Variants in UGGT2 observed in about 807,000 individuals in gnomAD.
UGGT2 encodes UDP-glucose glycoprotein glucosyltransferase 2.
Under a neutral mutation model 192.1 loss-of-function variants are expected in UGGT2, and 180 were observed. That is an observed-to-expected ratio of 0.94 (90% CI 0.83 to 1.06). UGGT2 has a LOEUF of 1.06. UGGT2 is among the 50% of genes least tolerant of loss of function. The probability of loss-of-function intolerance (pLI) is 0.00; values close to 1 mark genes in which losing one functional copy is unlikely to be tolerated. For missense variants in UGGT2, 1,849 were observed against 1,795.7 expected (o/e 1.03, Z -0.54); for synonymous variants, 580 against 591.0 (o/e 0.98, Z 0.27).
intron 4 of UGGT2, among the ~76,000 whole-genome samples, chr13:96,021,643 C>T (rs2139112520): frequency 6.6e-6 from 1 of 151,884 alleles, no homozygotes; most frequent in East Asian, 1.9e-4. Flanking sequence ...TAAGATAATC[C>T]CACACCATTA....
intron 1 of UGGT2, among the ~76,000 whole-genome samples, chr13:96,048,203 T>C (rs887286471): frequency 3.9e-5 from 6 of 152,158 alleles, no homozygotes; most frequent in African/African-American, 1.4e-4. Flanking sequence ...CTCAACTACA[T>C]GAAAACTGAA....
intron 12 of UGGT2, among the ~76,000 whole-genome samples, chr13:95,961,597 TA>T (rs2140705906): frequency 6.6e-6 from 1 of 152,012 alleles, no homozygotes; most frequent in African/African-American, 2.4e-5. Flanking sequence ...CCTACACATA[TA>T]AAGCAAACAT....
chr13:95,931,091 T>A (rs2049246356), intron 17 of UGGT2, among the ~76,000 whole-genome samples: 1 of 151,908 alleles, frequency 6.6e-6, no homozygotes, highest in African/African-American at 2.4e-5. Context: ...AGAGAGCTGA[T>A]TGGTCTGTTT....
chr13:95,884,928 C>A (rs1429285511), intron 26 of UGGT2, among the ~76,000 whole-genome samples: 2 of 152,126 alleles, frequency 1.3e-5, no homozygotes, highest in Non-Finnish European at 2.9e-5. Flanking sequence ...TGATTAGAAT[C>A]CCTTTAAGAT....
At chr13:95,928,234 G>C (rs1375168453) in intron 17 of UGGT2, among the ~76,000 whole-genome samples, 1 of 151,984 alleles carries the variant, frequency 6.6e-6, no homozygotes, top group East Asian at 1.9e-4. Flanking sequence ...CTCCCGGACG[G>C]GGCAGCTGGC....
chr13:95,866,552 C>G (rs1269506952), intron 30 of UGGT2, among the ~76,000 whole-genome samples: 2 of 152,156 alleles, frequency 1.3e-5, no homozygotes, highest in East Asian at 3.9e-4. Flanking sequence ...CCCTGGCCTA[C>G]TTGGCTGACA....
At chr13:95,861,079 G>C (rs1268036446) in intron 31 of UGGT2, among the ~76,000 whole-genome samples, 196 bp from the exon 32 acceptor site, 1 of 151,664 alleles carries the variant, frequency 6.6e-6, no homozygotes, top group Non-Finnish European at 1.5e-5. Flanking sequence ...TTTTAAATTT[G>C]TAATGTGGAA....
chr13:95,831,414 T>C (rs914590306), intron 38 of UGGT2, among the ~76,000 whole-genome samples: 3 of 152,132 alleles, frequency 2.0e-5, no homozygotes, highest in African/African-American at 7.2e-5. Flanking sequence ...CTATAACCTA[T>C]TTTTTAACTT....
intron 15 of UGGT2, among the ~76,000 whole-genome samples, chr13:95,946,020 G>GA (rs949540012): frequency 3.3e-5 from 5 of 151,026 alleles, no homozygotes; most frequent in East Asian, 1.9e-4. Flanking sequence ...ATATAAAAAT[G>GA]AAAAAAAACT....
At position 95,832,933 on chromosome 13, in the gene UGGT2, C is replaced by G. The variant is rs1277937344; in HGVS notation, c.4522G>C (p.Asp1508His). 1.9e-6 allele frequency: 3 copies of G among 1,612,156 alleles called. No homozygotes were observed. The highest frequency in any genetic ancestry group is 2.5e-6 in the Non-Finnish European group (3 of 1,178,862). Residue 1508 changes from aspartate to histidine, a missense_variant, in exon 38 of 39, where the codon GAT becomes CAT. Coordinates refer to ENST00000376747, the MANE Select transcript of UGGT2 (RefSeq NM_020121.4). Reference sequence around the variant, plus strand: ...CAACACGTTGATGACTTACTTGTATCTTGCTTCTTGTTTTCAAGATGATCT... The same window carrying G: ...CAACACGTTGATGACTTACTTGTATGTTGCTTCTTGTTTTCAAGATGATCT... ...LLDHLENKKQ[D>H]TILTHDEL is the part of the protein sequence containing the mutation.
chr13:96,007,193 A>G (rs2052007238), intron 5 of UGGT2, among the ~76,000 whole-genome samples: 1 of 152,138 alleles, frequency 6.6e-6, no homozygotes, highest in African/African-American at 2.4e-5. Flanking sequence ...GAACACAAAA[A>G]CCATATGATA....
chr13:95,996,598 C>T (rs2051630397), intron 6 of UGGT2, among the ~76,000 whole-genome samples: 1 of 151,932 alleles, frequency 6.6e-6, no homozygotes, highest in Admixed American at 6.6e-5. Context: ...TGCATGTGTA[C>T]AGGCTAACAT....
intron 19 of UGGT2, among the ~76,000 whole-genome samples, chr13:95,926,233 C>T (rs76841366): frequency 1.4e-3 from 216 of 152,226 alleles, no homozygotes; most frequent in African/African-American, 4.8e-3. Flanking sequence ...ATCTGTTAGA[C>T]AGTAATCCAG....
intron 22 of UGGT2, among the ~76,000 whole-genome samples, chr13:95,900,220 T>TA (rs2048064046): frequency 6.6e-6 from 1 of 152,006 alleles, no homozygotes; most frequent in Non-Finnish European, 1.5e-5. Flanking sequence ...GGATGTATTC[T>TA]AAAAAACCAA....
intron 15 of UGGT2, among the ~76,000 whole-genome samples, chr13:95,943,006 G>GTT (rs1471556069): frequency 1.3e-5 from 2 of 152,066 alleles, no homozygotes; most frequent in Non-Finnish European, 2.9e-5. Context: ...CACAGTTGTT[G>GTT]TAAGTCCACT....
chr13:95,976,011 T>C (rs777355107), intron 10 of UGGT2, among the ~76,000 whole-genome samples: 1 of 152,128 alleles, frequency 6.6e-6, no homozygotes, highest in African/African-American at 2.4e-5. Context: ...AATAAATTAA[T>C]GTTAAGCATA....
intron 20 of UGGT2, among the ~76,000 whole-genome samples, chr13:95,906,252 T>C (rs2048287676): frequency 6.6e-6 from 1 of 152,210 alleles, no homozygotes; most frequent in Non-Finnish European, 1.5e-5. Flanking sequence ...ACTGCATTTC[T>C]CGTTTGTTGC....
chr13:95,840,379 G>C (rs753757060), intron 36 of UGGT2, among the ~76,000 whole-genome samples: 1 of 152,070 alleles, frequency 6.6e-6, no homozygotes, highest in Non-Finnish European at 1.5e-5. Context: ...AAAAGTGGGC[G>C]AAGAATATGA....
chr13:95,918,634 T>C (rs2048752437), intron 20 of UGGT2, among the ~76,000 whole-genome samples: 1 of 152,040 alleles, frequency 6.6e-6, no homozygotes, highest in Admixed American at 6.6e-5. Flanking sequence ...CTAGCTACAC[T>C]GATAAAGAAG....
Sources: gnomAD v4.1 joint callset for allele counts (sites outside exome capture counted in the v4.1 genomes callset) on GRCh38, gnomAD v4.1.1 for gene constraint, MANE v1.5 for transcripts, NCBI Gene and HGNC (gene_info 2026-07-23, HGNC 2026-07-21) for gene names.